HIP1: variants seen among roughly 807,000 people sequenced by gnomAD.
The protein encoded by HIP1 is huntingtin-interacting protein 1.
A neutral mutation model predicts 147.6 loss-of-function variants in HIP1; 65 were observed. The observed-to-expected ratio is 0.44, with a 90% CI of 0.36 to 0.54. The LOEUF is 0.54. Ranked by LOEUF, HIP1 falls within the 20% of genes least tolerant of loss-of-function variation. The probability of loss-of-function intolerance (pLI) is 0.00; values close to 1 mark genes in which losing one functional copy is unlikely to be tolerated. For missense variants in HIP1, 1,061 were observed against 1,299.6 expected, an observed-to-expected ratio of 0.82 and a Z score of 2.82; for synonymous variants, 479 against 504.0, an observed-to-expected ratio of 0.95 and a Z score of 0.67.
intron 1 of HIP1, among the ~76,000 whole-genome samples, chr7:75,734,203 G>A (rs1045569527): frequency 3.3e-5 from 5 of 151,858 alleles, no homozygotes; most frequent in African/African-American, 7.2e-5. Context: ...CCGAGATGGC[G>A]CCACTGCACT....
rs180723694 is a variant in HIP1, at chr7:75,561,942, C to A, written c.1118+131G>T. The A allele has an allele frequency of 2.3e-5, 15 of 646,488 alleles. 1 individual carries two copies. Among genetic ancestry groups the A allele is most frequent in the African/African-American group, 2.0e-4 (11 of 54,890 alleles). The allele number at this position is 646,488 out of a possible 1,614,324, so 40.0% of individuals were successfully genotyped here. On this transcript the variant is annotated intron_variant, in intron 12 of 30. Transcript: ENST00000336926. ...GATTACAGGCATAAGCCATTGCCCC[C>A]AACCCTTCAAGATGTTCTGTATCTA... is the stretch of plus-strand genomic sequence containing the variant.
intron 1 of HIP1, among the ~76,000 whole-genome samples, chr7:75,727,588 A>G (rs1426078431): frequency 1.3e-5 from 2 of 152,132 alleles, no homozygotes; most frequent in Non-Finnish European, 2.9e-5. Context: ...GCTCACGCCT[A>G]TAATACCAGC....
chr7:75,691,490 C>CA (rs1554518151), intron 1 of HIP1, among the ~76,000 whole-genome samples: 1 of 140,054 alleles, frequency 7.1e-6, no homozygotes, highest in Non-Finnish European at 1.5e-5. Context: ...GACTCTGTCT[C>CA]AAAAAAACAA....
chr7:75,589,876 A>G (rs1222070984), intron 4 of HIP1, among the ~76,000 whole-genome samples: 3 of 151,448 alleles, frequency 2.0e-5, no homozygotes, highest in Non-Finnish European at 4.4e-5. Context: ...GACTACAGGC[A>G]CCCACCACCA....
In HIP1 at chr7:75,548,924, T is replaced by C; in HGVS notation, c.2373A>G (p.Ser791=). 6.2e-7 allele frequency: 1 copy of C among 1,614,090 alleles called. No individual in the cohort carries two copies. Among genetic ancestry groups the C allele is most frequent in the South Asian group, 1.1e-5 (1 of 91,082 alleles). ...DLVDKEMAAT[S]AAIETATARI... is the part of the protein sequence containing the mutation. Reference sequence around the variant, plus strand: ...TGGCCGTGGCAGTTTCAATAGCAGCTGAAGTGGCCGCCATCTCCTTGTCCA... The same window carrying C: ...TGGCCGTGGCAGTTTCAATAGCAGCCGAAGTGGCCGCCATCTCCTTGTCCA... The change falls in exon 23 of 31, where the codon TCA becomes TCG. Residue 791 remains serine (S), a synonymous_variant. Coordinates refer to ENST00000336926, the MANE Select transcript of HIP1 (RefSeq NM_005338.7).
chr7:75,681,281 C>A (rs542277577), intron 1 of HIP1, among the ~76,000 whole-genome samples: 7 of 152,252 alleles, frequency 4.6e-5, no homozygotes, highest in Admixed American at 1.3e-4. Context: ...TTCTTGTCAA[C>A]CCTGCAGGCG....
intron 28 of HIP1, 78 bp from the exon 29 acceptor site, chr7:75,542,058 G>T: frequency 8.5e-7 from 1 of 1,180,212 alleles, no homozygotes; most frequent in Non-Finnish European, 1.3e-6. Context: ...CAATGCCAAT[G>T]CTCTGTGGAA....
chr7:75,735,784 G>A (rs1240793922), intron 1 of HIP1, among the ~76,000 whole-genome samples: 4 of 151,432 alleles, frequency 2.6e-5, no homozygotes, highest in Non-Finnish European at 4.4e-5. Context: ...TCTGCCTCCC[G>A]GGCTCAAGCA....
At chr7:75,702,096 AT>A (rs1172805364) in intron 1 of HIP1, among the ~76,000 whole-genome samples, 1 of 145,510 alleles carries the variant, frequency 6.9e-6, no homozygotes, top group East Asian at 2.0e-4. Flanking sequence ...TACCCAGCTA[AT>A]TTTTGTATTT....
At position 75,683,323 on chromosome 7, in the gene HIP1, G is replaced by A. The variant is rs566881330; in HGVS notation, c.120+55478C>T. ...AGGGTCTTCGAGGTGCTGGTTGGGG[G>A]CACTGGATGGGGGCTTTTTGACCAA... On this transcript the variant is annotated intron_variant, in intron 1 of 30. Transcript: ENST00000336926. Among the ~76,000 whole-genome samples, 38 of 152,212 alleles carry A rather than the reference G, an allele frequency of 2.5e-4. 1 individual carries two copies. The Middle Eastern group carries it at 0.01, about 41-fold the overall frequency.
At chr7:75,582,212 G>A (rs237237) in intron 5 of HIP1, 61 bp from the exon 6 acceptor site, 102,057 of 1,352,776 alleles carry the variant, frequency 0.075, 4,311 homozygotes, top group South Asian at 0.15. Flanking sequence ...TCTCTCAGCC[G>A]GGCGTGGTGG....
rs71098060 is a variant in HIP1 at position 75,673,820 on chromosome 7, C to CAAAAAAAAAA, written c.120+64971_120+64980dup. ...GCAACATAGCAAAGCCCTATCTCTA[C>CAAAAAAAAAA]AAAAAAAAAAAAAAAATTAGCTGGG... On this transcript the variant is annotated intron_variant, in intron 1 of 30. Transcript: ENST00000336926. 3.5e-4 allele frequency among the ~76,000 whole-genome samples: 37 copies of CAAAAAAAAAA among 104,306 alleles called. 1 individual carries two copies. The highest frequency in any genetic ancestry group is 9.3e-4 in the African/African-American group (24 of 25,888). 68.4% of individuals were successfully genotyped at this position (104,306 alleles called of 152,430 possible). A position where few individuals can be genotyped will look rare whatever the true frequency, so the allele number is the denominator to read the frequency against.
intron 1 of HIP1, among the ~76,000 whole-genome samples, chr7:75,717,676 C>CAAAAAAAAAAAAAAA (rs55982331): frequency 3.4e-5 from 4 of 117,720 alleles, no homozygotes; most frequent in Admixed American, 9.1e-5. Context: ...ACTAAAAATA[C>CAAAAAAAAAAAAAAA]AAAAAAAAAA....
intron 1 of HIP1, among the ~76,000 whole-genome samples, chr7:75,637,378 T>A (rs1208806274): frequency 6.6e-6 from 1 of 151,970 alleles, no homozygotes; most frequent in African/African-American, 2.4e-5. Flanking sequence ...GTGATTCGGT[T>A]TAGTGGCCAT....
chr7:75,559,926 A>G lies in HIP1; in HGVS notation c.1192-11T>C, dbSNP rs782487041. 4 of 1,583,086 alleles carry G rather than the reference A, an allele frequency of 2.5e-6. No homozygotes were observed. In the East Asian group the frequency reaches 9.0e-5, roughly 36 times the overall value. ...CACAACCCGCTGGCTCTGTGGGGGG[A>G]CTCCGGTCATGAGGCCAACCGCCCA... On this transcript the variant is annotated splice_polypyrimidine_tract_variant and intron_variant, in intron 13 of 30. Transcript: ENST00000336926.
At position 75,563,248 on chromosome 7, in the gene HIP1, G is replaced by A; in HGVS notation, c.819C>T (p.Phe273=). The A allele has an allele frequency of 1.2e-6, 2 of 1,614,212 alleles. No individual in the cohort carries two copies. The highest frequency in any genetic ancestry group is 2.2e-5 in the South Asian group (2 of 91,082). Residue 273 remains phenylalanine (F), a synonymous_variant, in exon 10 of 31, where the codon TTC becomes TTT. Transcript: ENST00000336926. ...MEQFTKLKDL[F]YRSSNLQYFK... The stretch of plus-strand genomic sequence containing the variant: ...AGTACTGCAGGTTGCTGGAGCGGTA[G>A]AACAGATCTTTCAACCTAGGGGTGG...
At chr7:75,692,721 C>T (rs753758841) in intron 1 of HIP1, among the ~76,000 whole-genome samples, 2 of 151,856 alleles carry the variant, frequency 1.3e-5, no homozygotes, top group Non-Finnish European at 2.9e-5. Flanking sequence ...TGAGCCACTG[C>T]GCCCAGACAC....
At chr7:75,598,124 CT>C (rs587759489) in intron 2 of HIP1, among the ~76,000 whole-genome samples, 3 of 152,164 alleles carry the variant, frequency 2.0e-5, no homozygotes, top group Admixed American at 1.3e-4. Context: ...CTAAGACTTT[CT>C]TTTTTTCGGC....
At chr7:75,561,644 T>G (rs935585255) in intron 12 of HIP1, among the ~76,000 whole-genome samples, 11 of 152,152 alleles carry the variant, frequency 7.2e-5, no homozygotes, top group Non-Finnish European at 1.5e-4. Context: ...TTTTTGTGTG[T>G]GTTTTCGGTT....
Sources: gnomAD v4.1 joint callset for allele counts (sites outside exome capture counted in the v4.1 genomes callset) on GRCh38, gnomAD v4.1.1 for gene constraint, MANE v1.5 for transcripts, NCBI Gene and HGNC (gene_info 2026-07-23, HGNC 2026-07-21) for gene names.